The following CSE1L variants were observed in gnomAD, a reference collection of about 807,000 sequenced individuals.
CSE1L encodes the protein chromosome segregation 1 like, also known as exportin-2.
In CSE1L, 24 loss-of-function variants were observed where a neutral mutation model predicts 120.4. The observed-to-expected ratio is 0.20, with a 90% CI of 0.14 to 0.28. The LOEUF is 0.28. Ranked by LOEUF, CSE1L falls within the 10% of genes least tolerant of loss-of-function variation. CSE1L has a pLI of 1.00. For synonymous variants in CSE1L, 402 were observed against 398.3 expected, an observed-to-expected ratio of 1.01 and a Z score of -0.11; for missense variants, 830 against 1,145.2, an observed-to-expected ratio of 0.72 and a Z score of 3.97.
intron 12 of CSE1L, among the ~76,000 whole-genome samples, chr20:49,075,856 G>C (rs1004704601): frequency 6.6e-6 from 1 of 152,174 alleles, no homozygotes; most frequent in East Asian, 1.9e-4. Context: ...TTTTTGAGAT[G>C]GAGTCTCACT....
intron 2 of CSE1L, among the ~76,000 whole-genome samples, chr20:49,061,266 G>A (rs1172039376): frequency 7.0e-6 from 1 of 143,394 alleles, no homozygotes; most frequent in African/African-American, 2.7e-5. Flanking sequence ...TCCGCCTCCC[G>A]GGTCCACGCC....
At chr20:49,081,430 C>T (rs905151246) in intron 14 of CSE1L, among the ~76,000 whole-genome samples, 3 of 152,174 alleles carry the variant, frequency 2.0e-5, no homozygotes, top group Non-Finnish European at 4.4e-5. Context: ...AACCCAGGCA[C>T]GTGCCACCAC....
intron 14 of CSE1L, among the ~76,000 whole-genome samples, chr20:49,080,735 C>A (rs1199215339): frequency 6.6e-6 from 1 of 152,122 alleles, no homozygotes; most frequent in African/African-American, 2.4e-5. Flanking sequence ...CTCGGCCTCC[C>A]AAAATGCTAG....
chr20:49,081,265 C>T (rs1266867139), intron 14 of CSE1L, among the ~76,000 whole-genome samples: 1 of 151,950 alleles, frequency 6.6e-6, no homozygotes, highest in African/African-American at 2.4e-5. Flanking sequence ...GGATTATAGG[C>T]GTGAGCTACC....
At chr20:49,088,175 C>T in intron 17 of CSE1L, 69 bp downstream of exon 17, 2 of 1,042,858 alleles carry the variant, frequency 1.9e-6, no homozygotes, top group South Asian at 2.7e-5. Context: ...CCTCAGAACT[C>T]TTTGGCATTA....
intron 16 of CSE1L, among the ~76,000 whole-genome samples, chr20:49,086,924 A>T (rs1196763301): frequency 6.6e-6 from 1 of 152,206 alleles, no homozygotes; most frequent in Non-Finnish European, 1.5e-5. Flanking sequence ...AGGGATAGGT[A>T]GCAATCTGTT....
At chr20:49,066,860 C>G (rs1279694292) in intron 5 of CSE1L, among the ~76,000 whole-genome samples, 1 of 151,692 alleles carries the variant, frequency 6.6e-6, no homozygotes, top group East Asian at 1.9e-4. Context: ...AAAACCCCGT[C>G]TCTACTAAAA....
rs1568769017 is a variant in CSE1L, at chr20:49,065,312, A to ATTTTT, written c.229-880_229-879insTTTTT. 7.3e-4 allele frequency among the ~76,000 whole-genome samples: 58 copies of ATTTTT among 79,366 alleles called. 1 individual carries two copies. The highest frequency in any genetic ancestry group is 2.6e-3 in the African/African-American group (51 of 19,316). 52.1% of individuals were successfully genotyped at this position (79,366 alleles called of 152,430 possible). A position where few individuals can be genotyped will look rare whatever the true frequency, so the allele number is the denominator to read the frequency against. On this transcript the variant is annotated intron_variant, in intron 3 of 24. Transcript: ENST00000262982. ...TAGTTTACATATGAAATGAAAAAAA[A>ATTTTT]ATTTTTTTTTTTTTTTTTTTTTTTT...
At chr20:49,049,309 G>T in intron 1 of CSE1L, among the ~76,000 whole-genome samples, 1 of 151,434 alleles carries the variant, frequency 6.6e-6, no homozygotes, top group South Asian at 2.1e-4. Flanking sequence ...TCAGCCTCCC[G>T]AGTAGCTAGG....
In CSE1L at chr20:49,046,401, C is replaced by T. The variant is rs1368052377; in HGVS notation, c.-34C>T. On this transcript the variant is annotated 5_prime_UTR_variant, in exon 1 of 25. Transcript: ENST00000262982. ...TACGGTCCGCGGCTGGGGTTCCCTC[C>T]TCCGTTTCTGTATCCCCACGAGGTG... 1 of 152,388 alleles carries T rather than the reference C, an allele frequency of 6.6e-6. No individual in the cohort carries two copies. The highest frequency in any genetic ancestry group is 1.5e-5 in the Non-Finnish European group (1 of 68,160). The allele number at this position is 152,388 out of a possible 1,614,324, so 9.4% of individuals were successfully genotyped here.
At chr20:49,094,644 T>C (rs2092125977) in intron 23 of CSE1L, 88 bp from the exon 24 acceptor site, 3 of 850,910 alleles carry the variant, frequency 3.5e-6, no homozygotes. Context: ...ACTATGAGTC[T>C]GTAATTTTGT....
At chr20:49,069,307 G>T (rs2752926) in intron 7 of CSE1L, among the ~76,000 whole-genome samples, 2 of 152,184 alleles carry the variant, frequency 1.3e-5, no homozygotes, top group Non-Finnish European at 2.9e-5. Flanking sequence ...AGGAAACATA[G>T]CCACAGGGCT....
chr20:49,081,892 T>C (rs535511105), intron 14 of CSE1L, among the ~76,000 whole-genome samples: 1 of 152,316 alleles, frequency 6.6e-6, no homozygotes, highest in East Asian at 1.9e-4. Context: ...CTCACAAATC[T>C]TAAAACTCCA....
chr20:49,092,245 A>G (rs993533224), intron 22 of CSE1L, 118 bp downstream of exon 22: 7 of 589,618 alleles, frequency 1.2e-5, no homozygotes, highest in South Asian at 4.4e-5. Flanking sequence ...GATAGTGTCT[A>G]TGGTTTTCAA....
chr20:49,092,004 C>G (rs1311574209), intron 21 of CSE1L, 42 bp from the exon 22 acceptor site: 2 of 1,078,084 alleles, frequency 1.9e-6, no homozygotes, highest in Non-Finnish European at 2.8e-6. Flanking sequence ...CAGTTTAGTG[C>G]GTGAGTTCTC....
intron 7 of CSE1L, among the ~76,000 whole-genome samples, chr20:49,069,152 T>C (rs2091914554): frequency 6.6e-6 from 1 of 152,212 alleles, no homozygotes; most frequent in African/African-American, 2.4e-5. Flanking sequence ...TTCATTTATA[T>C]GGGTATTAAC....
intron 1 of CSE1L, among the ~76,000 whole-genome samples, chr20:49,055,886 G>GT (rs997556938): frequency 5.3e-5 from 8 of 150,786 alleles, no homozygotes; most frequent in Admixed American, 4.0e-4. Context: ...TATATGTGAA[G>GT]TTTTTTTTCA....
chr20:49,093,392 A>G (rs974434288), intron 22 of CSE1L, among the ~76,000 whole-genome samples: 2 of 150,856 alleles, frequency 1.3e-5, no homozygotes, highest in African/African-American at 5.0e-5. Flanking sequence ...CACTTCTAGC[A>G]TGTTTGCAAC....
chr20:49,096,098 C>A (rs1297440914), intron 24 of CSE1L: 3 of 647,048 alleles, frequency 4.6e-6, no homozygotes, highest in Non-Finnish European at 8.5e-6. Context: ...ACATCATTAA[C>A]CAGTAAGGAC....
Sources: gnomAD v4.1 joint callset for allele counts (sites outside exome capture counted in the v4.1 genomes callset) on GRCh38, gnomAD v4.1.1 for gene constraint, MANE v1.5 for transcripts, NCBI Gene and HGNC (gene_info 2026-07-23, HGNC 2026-07-21) for gene names.